The following DMBX1 variants were observed in gnomAD, a reference collection of about 807,000 sequenced individuals.
DMBX1 encodes diencephalon/mesencephalon homeobox protein 1.
Under a neutral mutation model 30.4 loss-of-function variants are expected in DMBX1, and 7 were observed. The ratio of observed to expected loss-of-function variants is 0.23; its 90% CI spans 0.13 to 0.43. The LOEUF (loss-of-function observed/expected upper bound fraction) is 0.43, where lower values mean the gene tolerates loss of function less well. Ranked by LOEUF, DMBX1 falls within the 20% of genes least tolerant of loss-of-function variation. DMBX1 has a pLI of 1.00. For synonymous variants in DMBX1, 222 were observed against 214.2 expected (o/e 1.04, Z -0.32); for missense variants, 460 against 508.5 (o/e 0.90, Z 0.92).
chr1:46,507,243 G>C, intron 3 of DMBX1, 79 bp downstream of exon 3: 1 of 1,553,872 alleles, frequency 6.4e-7, no homozygotes, highest in Non-Finnish European at 8.7e-7. Context: ...AAAGAGGAGA[G>C]GGAGCACTGG....
At chr1:46,508,768 C>T (rs553006302) in intron 3 of DMBX1, among the ~76,000 whole-genome samples, 32 of 152,264 alleles carry the variant, frequency 2.1e-4, no homozygotes, top group Non-Finnish European at 3.8e-4. Flanking sequence ...GAGGCTCTGC[C>T]GGCGGTTTAG....
At chr1:46,505,613 C>T (rs1412395535) in intron 2 of DMBX1, among the ~76,000 whole-genome samples, 14 of 147,336 alleles carry the variant, frequency 9.5e-5, no homozygotes, top group African/African-American at 2.3e-4. Flanking sequence ...GGTTGGGGGA[C>T]GGGGGAGGGA....
In DMBX1 at chr1:46,511,117, T is replaced by C; in HGVS notation, c.516T>C (p.Ala172=). 1 of 1,614,058 alleles carries C rather than the reference T, an allele frequency of 6.2e-7. No individual in the cohort carries two copies. Among genetic ancestry groups the C allele is most frequent in the South Asian group, 1.1e-5 (1 of 91,086 alleles). ...PPRLPGSDPP[A]ELHLSLSEQS... ...GTCTGCCTGGCAGCGACCCCCCTGC[T>C]GAGCTTCACCTGAGTCTGTCTGAGC... is the stretch of plus-strand genomic sequence containing the variant. Residue 172 remains alanine, a synonymous_variant, in exon 5 of 6, where the codon GCT becomes GCC. Transcript: ENST00000360032.
At chr1:46,507,255 C>T in intron 3 of DMBX1, 91 bp downstream of exon 3, 1 of 1,508,116 alleles carries the variant, frequency 6.6e-7, no homozygotes, top group Non-Finnish European at 8.9e-7. Context: ...GAGCACTGGC[C>T]AAGCTTGTTC....
intron 2 of DMBX1, among the ~76,000 whole-genome samples, chr1:46,497,361 T>A (rs572428062): frequency 1.3e-5 from 2 of 152,308 alleles, no homozygotes; most frequent in African/African-American, 4.8e-5. Context: ...GTTATTGTTG[T>A]TGATGAGATG....
At chr1:46,492,573 G>A (rs1157549775) in intron 2 of DMBX1, among the ~76,000 whole-genome samples, 1 of 152,130 alleles carries the variant, frequency 6.6e-6, no homozygotes, top group African/African-American at 2.4e-5. Flanking sequence ...TGGTTTTTGA[G>A]GGAAAGGGAG....
chr1:46,511,551 T>A (rs905206891), intron 5 of DMBX1, among the ~76,000 whole-genome samples: 3 of 152,160 alleles, frequency 2.0e-5, no homozygotes, highest in Admixed American at 2.0e-4. Context: ...AGTATTCCAA[T>A]ATTTTAACAA....
chr1:46,512,660 C>T lies in DMBX1; in HGVS notation c.*166C>T. 1.4e-6 allele frequency: 1 copy of T among 733,296 alleles called. No individual in the cohort carries two copies. Among genetic ancestry groups the T allele is most frequent in the Non-Finnish European group, 2.2e-6 (1 of 459,952 alleles). The allele number at this position is 733,296 out of a possible 1,614,324, so 45.4% of individuals were successfully genotyped here. On this transcript the variant is annotated 3_prime_UTR_variant, in exon 6 of 6. Transcript: ENST00000360032. The surrounding 1 kb of genome is among the most constrained non-coding windows in gnomAD (Gnocchi z 4.8). ...ATACCCCAGCCCGAGGTGAAGCCCA[C>T]ACCTACACACCCTCTGCATGGCCCT...
intron 2 of DMBX1, among the ~76,000 whole-genome samples, chr1:46,500,474 G>A (rs946212431): frequency 6.6e-6 from 1 of 151,884 alleles, no homozygotes; most frequent in East Asian, 1.9e-4. Context: ...TCCCCACCTG[G>A]AGCTTGTGAC....
rs533967813 is a variant in DMBX1, at chr1:46,503,389, A to G, written c.-12-3610A>G. ...TTCATTGTTATACATCCCTCTATCCAGGAATGTAAATTCCATGAAGTTAGG... is the reference window on the plus strand; with the variant it reads ...TTCATTGTTATACATCCCTCTATCCGGGAATGTAAATTCCATGAAGTTAGG... On this transcript the variant is annotated intron_variant, in intron 2 of 5. Coordinates refer to ENST00000360032, the MANE Select transcript of DMBX1 (RefSeq NM_172225.2). 1.2e-3 allele frequency among the ~76,000 whole-genome samples: 184 copies of G among 152,348 alleles called. 1 individual carries two copies. The highest frequency in any genetic ancestry group is 4.2e-3 in the African/African-American group (173 of 41,566).
In DMBX1 at chr1:46,493,542, C is replaced by T. The variant is rs1287742918; in HGVS notation, c.-13+2759C>T. Among the ~76,000 whole-genome samples the T allele has an allele frequency of 2.0e-5, 3 of 152,240 alleles. No homozygotes were observed. Among genetic ancestry groups the T allele is most frequent in the Non-Finnish European group, 2.9e-5 (2 of 68,034 alleles). ...GGTGGCTCTGGCCCCAACTGTTCTT[C>T]GGACTTTAGCCAGGTTTTTGCTGGC... On this transcript the variant is annotated intron_variant, in intron 2 of 5. Transcript: ENST00000360032. The surrounding 1 kb of genome is among the most constrained non-coding windows in gnomAD (Gnocchi z 4.1).
chr1:46,506,887 G>T (rs1666245478), intron 2 of DMBX1, 112 bp from the exon 3 acceptor site: 1 of 1,210,064 alleles, frequency 8.3e-7, no homozygotes, highest in African/African-American at 1.5e-5. Context: ...GATGGAGGGA[G>T]CTTCTGACCC....
At position 46,512,625 on chromosome 1, in the gene DMBX1, C is replaced by A; in HGVS notation, c.*131C>A. The A allele has an allele frequency of 2.0e-6, 2 of 1,018,488 alleles. No homozygotes were observed. The highest frequency in any genetic ancestry group is 1.7e-5 in the South Asian group (1 of 59,944). The allele number at this position is 1,018,488 out of a possible 1,614,324, so 63.1% of individuals were successfully genotyped here. A position where few individuals can be genotyped will look rare whatever the true frequency, so the allele number is the denominator to read the frequency against. On this transcript the variant is annotated 3_prime_UTR_variant, in exon 6 of 6. Coordinates refer to ENST00000360032, the MANE Select transcript of DMBX1 (RefSeq NM_172225.2). This position sits in a 1 kb window ranked among gnomAD's most constrained non-coding sequence, Gnocchi z 4.8. ...AGGGCCTGGGGTCCTGTTCCCTGCT[C>A]CGCTTCCCCATACCCCAGCCCGAGG...
At chr1:46,497,859 T>G (rs566009744) in intron 2 of DMBX1, among the ~76,000 whole-genome samples, 4 of 152,382 alleles carry the variant, frequency 2.6e-5, no homozygotes, top group Admixed American at 6.5e-5. Flanking sequence ...TTAACCAATG[T>G]AAGCACAATT....
In DMBX1 at chr1:46,512,228, G is replaced by A; in HGVS notation, c.868G>A (p.Ala290Thr). ...CGAAGTAGGGGGTCCGGCCCCTGCT[G>A]CTGCAGCGGCGGCTGCTGCTGTGCC... ...SFEVGGPAPAAAAAAAAVPYL... is the reference protein window; with the variant it reads ...SFEVGGPAPATAAAAAAVPYL... The change falls in exon 6 of 6, where the codon GCT becomes ACT. Residue 290 changes from alanine (A) to threonine (T), a missense_variant. Transcript: ENST00000360032. The surrounding 1 kb of genome is among the most constrained non-coding windows in gnomAD (Gnocchi z 4.8). 4 of 1,613,904 alleles carry A rather than the reference G, an allele frequency of 2.5e-6. No homozygotes were observed. Among genetic ancestry groups the A allele is most frequent in the Non-Finnish European group, 3.4e-6 (4 of 1,179,964 alleles).
chr1:46,506,996 T>A lies in DMBX1; in HGVS notation c.-12-3T>A. ...ATGGCCCCTCTCCCTTTTCCGTCTG[T>A]AGGCGGATGCCGCCATGCAGCACTA... is the stretch of plus-strand genomic sequence containing the variant. On this transcript the variant is annotated splice_polypyrimidine_tract_variant and splice_region_variant and intron_variant, in intron 2 of 5. Coordinates refer to ENST00000360032, the MANE Select transcript of DMBX1 (RefSeq NM_172225.2). 1 of 1,613,812 alleles carries A rather than the reference T, an allele frequency of 6.2e-7. No individual in the cohort carries two copies. The highest frequency in any genetic ancestry group is 8.5e-7 in the Non-Finnish European group (1 of 1,179,780).
intron 2 of DMBX1, among the ~76,000 whole-genome samples, chr1:46,500,956 T>C (rs139037405): frequency 6.6e-6 from 1 of 152,352 alleles, no homozygotes; most frequent in African/African-American, 2.4e-5. Flanking sequence ...GGTACGTTTC[T>C]AGAAATGGAA....
At chr1:46,494,014 C>T (rs1334295093) in intron 2 of DMBX1, among the ~76,000 whole-genome samples, 4 of 152,250 alleles carry the variant, frequency 2.6e-5, no homozygotes, top group Non-Finnish European at 4.4e-5. Context: ...ACTTCTGTAC[C>T]CTGGAGAGGC....
rs148987923 is a variant in DMBX1 at position 46,510,714 on chromosome 1, G to C, written c.333+60G>C. 6.4e-7 allele frequency: 1 copy of C among 1,559,158 alleles called. No individual in the cohort carries two copies. The highest frequency in any genetic ancestry group is 8.7e-7 in the Non-Finnish European group (1 of 1,150,962). Reference sequence around the variant, plus strand: ...CAAACACCAGCCCATCAGTCTGCCCGCTTGTCCAGGAGCCAGCATGTCATC... The same window carrying C: ...CAAACACCAGCCCATCAGTCTGCCCCCTTGTCCAGGAGCCAGCATGTCATC... On this transcript the variant is annotated intron_variant, in intron 4 of 5. Transcript: ENST00000360032. The surrounding 1 kb of genome is among the most constrained non-coding windows in gnomAD (Gnocchi z 4.1).
Sources: allele counts gnomAD v4.1 joint callset (sites outside exome capture counted in the v4.1 genomes callset), GRCh38; gene constraint gnomAD v4.1.1; non-coding constraint Gnocchi (gnomAD v3.1); transcripts MANE v1.5; gene names NCBI Gene and HGNC (gene_info 2026-07-23, HGNC 2026-07-21).